The following NHS variants were observed in gnomAD, a reference collection of about 807,000 sequenced individuals.
The protein encoded by NHS is NHS actin remodeling regulator, also known as actin remodeling regulator NHS.
NHS carries 5 observed loss-of-function variants against 72.5 expected under a neutral mutation model. The ratio of observed to expected loss-of-function variants is 0.07; its 90% confidence interval spans 0.04 to 0.14. NHS has a LOEUF of 0.14. Ranked by LOEUF, NHS falls within the 10% of genes least tolerant of loss-of-function variation. NHS has a pLI of 1.00. For synonymous variants in NHS, 464 were observed against 547.7 expected, an observed-to-expected ratio of 0.85 and a Z score of 2.13; for missense variants, 1,072 against 1,355.7, an observed-to-expected ratio of 0.79 and a Z score of 3.29.
chrX:17,548,673 C>T (rs985462628), intron 1 of NHS, among the ~76,000 whole-genome samples: 1 of 112,046 alleles, frequency 8.9e-6, no homozygotes, highest in Admixed American at 9.4e-5. Flanking sequence ...CACACATCTT[C>T]ATGTGTACAT....
intron 3 of NHS, among the ~76,000 whole-genome samples, chrX:17,712,267 A>G (rs1279659064): frequency 9.1e-4 from 69 of 76,066 alleles, no homozygotes; most frequent in African/African-American, 3.0e-3. Context: ...ATATATATAT[A>G]TATATATATA....
chrX:17,593,150 C>T (rs2065610529), intron 1 of NHS, among the ~76,000 whole-genome samples: 1 of 111,051 alleles, frequency 9.0e-6, no homozygotes, highest in Non-Finnish European at 1.9e-5. Flanking sequence ...GATATGAGTT[C>T]AAGTTATGAC....
At chrX:17,585,480 T>C (rs972942730) in intron 1 of NHS, among the ~76,000 whole-genome samples, 1 of 111,427 alleles carries the variant, frequency 9.0e-6, no homozygotes, top group African/African-American at 3.3e-5. Context: ...GATGGGGCGA[T>C]GTGAGTGAAG....
intron 1 of NHS, among the ~76,000 whole-genome samples, chrX:17,384,973 A>G (rs1157768834): frequency 8.9e-6 from 1 of 112,121 alleles, no homozygotes; most frequent in Non-Finnish European, 1.9e-5. Flanking sequence ...AGAATTCTTC[A>G]TGAATCCTAT....
intron 1 of NHS, among the ~76,000 whole-genome samples, chrX:17,655,789 C>T (rs1249674297): frequency 1.8e-5 from 2 of 112,941 alleles, no homozygotes; most frequent in African/African-American, 6.4e-5. Context: ...AATTAGGTGT[C>T]TCAGCCTGCA....
At chrX:17,620,033 A>G (rs150802792) in intron 1 of NHS, among the ~76,000 whole-genome samples, 4,991 of 110,698 alleles carry the variant, frequency 0.045, 118 homozygotes, top group Non-Finnish European at 0.069. Flanking sequence ...TGTTGACTGA[A>G]TGATTAAAGG....
intron 1 of NHS, among the ~76,000 whole-genome samples, chrX:17,545,330 A>G (rs188258771): frequency 8.9e-6 from 1 of 112,183 alleles, no homozygotes; most frequent in African/African-American, 3.2e-5. Flanking sequence ...TCCCATTTCA[A>G]CGTTTTCTGT....
intron 1 of NHS, among the ~76,000 whole-genome samples, chrX:17,494,405 A>T (rs1027183609): frequency 8.9e-6 from 1 of 111,888 alleles, no homozygotes; most frequent in African/African-American, 3.2e-5. Context: ...CTAATTCCAC[A>T]TGGCTGTCTT....
At chrX:17,418,597 A>G (rs2064607908) in intron 1 of NHS, among the ~76,000 whole-genome samples, 2 of 112,145 alleles carry the variant, frequency 1.8e-5, no homozygotes, top group Admixed American at 1.9e-4. Context: ...GCTACTTTGC[A>G]GAAAAGATAA....
intron 1 of NHS, among the ~76,000 whole-genome samples, chrX:17,571,144 T>A (rs1360152148): frequency 1.8e-5 from 2 of 111,950 alleles, no homozygotes; most frequent in African/African-American, 6.5e-5. Context: ...TTTTGTTGTG[T>A]CTCCATCAGG....
intron 1 of NHS, among the ~76,000 whole-genome samples, chrX:17,381,743 A>T (rs750544462): frequency 8.9e-6 from 1 of 112,046 alleles, no homozygotes; most frequent in African/African-American, 3.2e-5. Flanking sequence ...TGCGTGAACA[A>T]TTTTTTCTAC....
intron 1 of NHS, among the ~76,000 whole-genome samples, chrX:17,571,012 G>C (rs891956576): frequency 8.9e-6 from 1 of 112,036 alleles, no homozygotes; most frequent in African/African-American, 3.2e-5. Flanking sequence ...GCATCCCAGG[G>C]GTGAAGCCAA....
At chrX:17,633,130 G>A (rs1332211820) in intron 1 of NHS, among the ~76,000 whole-genome samples, 1 of 111,358 alleles carries the variant, frequency 9.0e-6, no homozygotes, top group Non-Finnish European at 1.9e-5. Context: ...GAGTGTTGGT[G>A]AGTGGTGTCC....
chrX:17,394,005 C>T (rs1452961642), intron 1 of NHS, among the ~76,000 whole-genome samples: 1 of 111,092 alleles, frequency 9.0e-6, no homozygotes. Flanking sequence ...CGACATTCCG[C>T]CCCCCCACCG....
At chrX:17,560,063 C>T (rs781609206) in intron 1 of NHS, among the ~76,000 whole-genome samples, 2 of 112,149 alleles carry the variant, frequency 1.8e-5, no homozygotes, top group South Asian at 7.5e-4. Context: ...AATATACATA[C>T]ATATACACAT....
intron 1 of NHS, among the ~76,000 whole-genome samples, chrX:17,602,712 C>T (rs184242876): frequency 9.2e-6 from 1 of 108,646 alleles, no homozygotes; most frequent in Non-Finnish European, 1.9e-5. Context: ...GAACTGAGAA[C>T]AGTATTTAGG....
intron 1 of NHS, among the ~76,000 whole-genome samples, chrX:17,426,482 C>G (rs1440003157): frequency 8.9e-6 from 1 of 112,105 alleles, no homozygotes; most frequent in South Asian, 3.7e-4. Context: ...GTTCCTTTCG[C>G]TGCTCAGCTA....
At chrX:17,701,609 G>C (rs914852684) in intron 3 of NHS, among the ~76,000 whole-genome samples, 1 of 111,779 alleles carries the variant, frequency 8.9e-6, no homozygotes, top group African/African-American at 3.3e-5. Flanking sequence ...GCCACAGCTT[G>C]TGAGTTACTG....
chrX:17,445,912 C>T (rs1270284290), intron 1 of NHS, among the ~76,000 whole-genome samples: 1 of 109,699 alleles, frequency 9.1e-6, no homozygotes, highest in Non-Finnish European at 1.9e-5. Context: ...TACGCTGAAC[C>T]CCCTTGGGCC....
Sources: gnomAD v4.1 joint callset for allele counts (sites outside exome capture counted in the v4.1 genomes callset) on GRCh38, gnomAD v4.1.1 for gene constraint, MANE v1.5 for transcripts, NCBI Gene and HGNC (gene_info 2026-07-23, HGNC 2026-07-21) for gene names.